Variants in D2HGDH observed in about 807,000 individuals in gnomAD.
D2HGDH encodes the protein D-2-hydroxyglutarate dehydrogenase, mitochondrial.
D2HGDH carries 31 observed loss-of-function variants against 46.9 expected under a neutral mutation model. The observed-to-expected ratio is 0.66, with a 90% CI of 0.50 to 0.89. The LOEUF (loss-of-function observed/expected upper bound fraction) is 0.89, where lower values mean the gene tolerates loss of function less well. D2HGDH is among the 40% of genes least tolerant of loss of function. The probability of loss-of-function intolerance (pLI) is 0.00; values close to 1 mark genes in which losing one functional copy is unlikely to be tolerated. For missense variants in D2HGDH, 698 were observed against 720.8 expected (o/e 0.97, Z 0.36); for synonymous variants, 364 against 332.6 (o/e 1.09, Z -1.03).
chr2:241,767,822 C>T lies in D2HGDH; in HGVS notation c.1419C>T (p.Ser473=), dbSNP rs748924605. ...CGGCCGGGCAGCAGGGCAGCGTCAG[C>T]GCGGAGCACGGAGTGGGCTTCAGGA... ...EWTAGQQGSV[S]AEHGVGFRKR... The change falls in exon 10 of 10, where the codon AGC becomes AGT. Residue 473 remains serine, a synonymous_variant. Transcript: ENST00000321264. The T allele has an allele frequency of 7.4e-6, 12 of 1,612,220 alleles. No homozygotes were observed. The highest frequency in any genetic ancestry group is 8.5e-6 in the Non-Finnish European group (10 of 1,179,506).
intron 8 of D2HGDH, among the ~76,000 whole-genome samples, chr2:241,754,219 C>T (rs566162108): frequency 9.2e-5 from 14 of 152,330 alleles, no homozygotes; most frequent in South Asian, 8.3e-4. Flanking sequence ...AGCCGATGCC[C>T]GCCAGACCAT....
At chr2:241,744,598 G>C in intron 5 of D2HGDH, 111 bp from the exon 6 acceptor site, 1 of 1,321,984 alleles carries the variant, frequency 7.6e-7, no homozygotes, top group Non-Finnish European at 1.1e-6. Context: ...CCATCCTTCA[G>C]CCTCTTGGCA....
intron 7 of D2HGDH, 113 bp from the exon 8 acceptor site, chr2:241,751,133 C>T (rs1409534907): frequency 6.8e-7 from 1 of 1,468,956 alleles, no homozygotes. Flanking sequence ...CTGGGTCCTT[C>T]TTGGCCACGA....
At chr2:241,759,550 G>C (rs963648303) in intron 9 of D2HGDH, among the ~76,000 whole-genome samples, 1 of 152,160 alleles carries the variant, frequency 6.6e-6, no homozygotes, top group African/African-American at 2.4e-5. Context: ...TAGTGATTTA[G>C]ATGTGTTTCT....
chr2:241,755,530 G>T (rs4675879), intron 8 of D2HGDH: 3 of 1,378,604 alleles, frequency 2.2e-6, no homozygotes, highest in Admixed American at 2.2e-5. Context: ...AGGTGTCCCA[G>T]CCGCCTGATT....
At chr2:241,736,845 G>A (rs939944762) in intron 2 of D2HGDH, among the ~76,000 whole-genome samples, 1 of 151,830 alleles carries the variant, frequency 6.6e-6, no homozygotes, top group Non-Finnish European at 1.5e-5. Flanking sequence ...ATTTTTAGTA[G>A]AGACGGGGTT....
At chr2:241,759,041 T>G (rs1177443694) in intron 9 of D2HGDH, among the ~76,000 whole-genome samples, 2 of 152,142 alleles carry the variant, frequency 1.3e-5, no homozygotes, top group African/African-American at 4.8e-5. Flanking sequence ...TTTTAAAAAT[T>G]ATTGATTTCT....
At chr2:241,758,331 A>G (rs1242637464) in intron 9 of D2HGDH, among the ~76,000 whole-genome samples, 1 of 152,128 alleles carries the variant, frequency 6.6e-6, no homozygotes, top group Admixed American at 6.5e-5. Context: ...GGAGTATTTT[A>G]AAATTATAGC....
chr2:241,763,898 T>C (rs749833652), intron 9 of D2HGDH, among the ~76,000 whole-genome samples: 1 of 151,330 alleles, frequency 6.6e-6, no homozygotes, highest in Non-Finnish European at 1.5e-5. Context: ...ACAAAAAAAA[T>C]AATCAGCCAG....
intron 9 of D2HGDH, 65 bp downstream of exon 9, chr2:241,756,079 C>T: frequency 6.5e-7 from 1 of 1,528,202 alleles, no homozygotes; most frequent in South Asian, 1.2e-5. Context: ...GTCACCGTCA[C>T]CCTGCCAGGC....
intron 7 of D2HGDH, among the ~76,000 whole-genome samples, chr2:241,750,738 C>T (rs1252700505): frequency 1.3e-5 from 2 of 152,096 alleles, no homozygotes; most frequent in East Asian, 1.9e-4. Flanking sequence ...TGCAATGTCA[C>T]GATCTTGGCT....
chr2:241,742,377 G>T lies in D2HGDH; in HGVS notation c.351-58G>T. On this transcript the variant is annotated intron_variant, in intron 3 of 9. Coordinates refer to ENST00000321264, the MANE Select transcript of D2HGDH (RefSeq NM_152783.5). The surrounding 1 kb of genome is among the most constrained non-coding windows in gnomAD (Gnocchi z 4.8). ...GCACTGGTCCTGCGGCGTGTCCTTG[G>T]GGATGGTGGCGTAGGGGTGGGGACA... The T allele has an allele frequency of 6.5e-7, 1 of 1,546,820 alleles. No homozygotes were observed. Among genetic ancestry groups the T allele is most frequent in the Non-Finnish European group, 8.8e-7 (1 of 1,141,950 alleles).
chr2:241,757,938 G>A (rs1698342333), intron 9 of D2HGDH, among the ~76,000 whole-genome samples: 1 of 147,664 alleles, frequency 6.8e-6, no homozygotes, highest in African/African-American at 2.5e-5. Flanking sequence ...CAGCCTGGGT[G>A]ACAAGAGTGA....
Position 241,755,977 on chromosome 2 carries a change from C to A in D2HGDH, c.1269C>A (p.Gly423=). 6.2e-7 allele frequency: 1 copy of A among 1,604,474 alleles called. No homozygotes were observed. Among genetic ancestry groups the A allele is most frequent in the East Asian group, 2.2e-5 (1 of 44,556 alleles). The change falls in exon 9 of 10, where the codon GGC becomes GGA. Residue 423 remains glycine, a synonymous_variant. Transcript: ENST00000321264. The part of the protein sequence containing the change: ...DIVTDLRARL[G]PHAKHVVGYG... ...TGACTGACCTGCGCGCCCGCCTCGG[C>A]CCGCACGCCAAGCACGTGGTGGGCT...
Position 241,735,314 on chromosome 2 carries a change from C to T in D2HGDH, c.90C>T (p.Pro30=), listed in dbSNP as rs1049477731. The change falls in exon 2 of 10, where the codon CCC becomes CCT. Residue 30 remains proline, a synonymous_variant. Coordinates refer to ENST00000321264, the MANE Select transcript of D2HGDH (RefSeq NM_152783.5). ...AAGSWGRPVG[P]LARRGCCSAP... ...GTTCTTGGGGTCGGCCGGTTGGCCC[C>T]CTGGCCCGCAGAGGCTGCTGCTCCG... The T allele has an allele frequency of 2.0e-6, 3 of 1,537,648 alleles. No individual in the cohort carries two copies. Among genetic ancestry groups the T allele is most frequent in the Non-Finnish European group, 2.6e-6 (3 of 1,147,390 alleles).
chr2:241,737,322 A>G (rs1174508182), intron 2 of D2HGDH, among the ~76,000 whole-genome samples: 1 of 152,160 alleles, frequency 6.6e-6, no homozygotes, highest in Non-Finnish European at 1.5e-5. Context: ...TGGGAAGCAG[A>G]CGTATCTTTT....
At position 241,749,390 on chromosome 2, in the gene D2HGDH, G is replaced by T. The variant is rs545981027; in HGVS notation, c.854-761G>T. 1,530 of 1,266,916 alleles carry T rather than the reference G, an allele frequency of 1.2e-3. 29 individuals are homozygous for T. The South Asian group carries it at 0.019, about 15-fold the overall frequency. The allele number at this position is 1,266,916 out of a possible 1,614,324, so 78.5% of individuals were successfully genotyped here. On this transcript the variant is annotated intron_variant, in intron 6 of 9. Transcript: ENST00000321264. ...TGCCTTTGCATTGCCTCCCTGTCTCGCCCTGAAAGGTGGGCACGGGCCCCC... is the reference window on the plus strand; with the variant it reads ...TGCCTTTGCATTGCCTCCCTGTCTCTCCCTGAAAGGTGGGCACGGGCCCCC...
Position 241,767,946 on chromosome 2 carries a change from A to G in D2HGDH, c.1543A>G (p.Lys515Glu). The G allele has an allele frequency of 6.3e-7, 1 of 1,596,542 alleles. No homozygotes were observed. Among genetic ancestry groups the G allele is most frequent in the Non-Finnish European group, 8.5e-7 (1 of 1,173,752 alleles). ...LDPKGILNPYKTLPSQA is the reference protein window; with the variant it reads ...LDPKGILNPYETLPSQA ...CCCCAAGGGCATCCTCAACCCCTACAAGACGCTGCCCAGCCAGGCCTGACG... is the reference window on the plus strand; with the variant it reads ...CCCCAAGGGCATCCTCAACCCCTACGAGACGCTGCCCAGCCAGGCCTGACG... The change falls in exon 10 of 10, where the codon AAG (lysine) becomes GAG (glutamate). Residue 515 changes from lysine (K) to glutamate (E), a missense_variant. Physicochemically the swap from Lys to Glu is moderately conservative, Grantham distance 56. Coordinates refer to ENST00000321264, the MANE Select transcript of D2HGDH (RefSeq NM_152783.5).
At chr2:241,749,319 C>T (rs1033434165) in intron 6 of D2HGDH, 6 of 1,288,592 alleles carry the variant, frequency 4.7e-6, no homozygotes, top group South Asian at 1.2e-5. Context: ...CCAGCCTCTG[C>T]GCCTGTGAGA....
Sources: gnomAD v4.1 joint callset for allele counts (sites outside exome capture counted in the v4.1 genomes callset) on GRCh38, gnomAD v4.1.1 for gene constraint, Gnocchi (gnomAD v3.1) non-coding constraint, MANE v1.5 for transcripts, NCBI Gene and HGNC (gene_info 2026-07-23, HGNC 2026-07-21) for gene names.